The following PTPRA variants were observed in gnomAD, a reference collection of about 807,000 sequenced individuals.
PTPRA encodes the protein receptor-type tyrosine-protein phosphatase alpha.
In PTPRA, 25 loss-of-function variants were observed where a neutral mutation model predicts 104.8. The observed-to-expected ratio is 0.24, with a 90% CI of 0.17 to 0.33. PTPRA has a LOEUF of 0.33. Among genes scored for constraint, PTPRA ranks in the 10% least tolerant of loss-of-function variants. The pLI is 1.00. For missense variants in PTPRA, 765 were observed against 1,015.3 expected, an observed-to-expected ratio of 0.75 and a Z score of 3.35; for synonymous variants, 323 against 368.9, an observed-to-expected ratio of 0.88 and a Z score of 1.43.
At chr20:2,975,142 G>A (rs374723344) in intron 5 of PTPRA, 73 bp from the exon 6 acceptor site, 1 of 1,336,948 alleles carries the variant, frequency 7.5e-7, no homozygotes, top group Admixed American at 2.0e-5. Context: ...AGCTTGTTTT[G>A]TTGTACTCTA....
At chr20:2,995,209 A>G (rs1054143439) in intron 9 of PTPRA, among the ~76,000 whole-genome samples, 2 of 152,132 alleles carry the variant, frequency 1.3e-5, no homozygotes, top group East Asian at 1.9e-4. Flanking sequence ...TATATCAACA[A>G]TTGTTCCTAT....
At chr20:2,957,485 A>G (rs1407904544) in intron 3 of PTPRA, among the ~76,000 whole-genome samples, 2 of 152,262 alleles carry the variant, frequency 1.3e-5, no homozygotes, top group African/African-American at 4.8e-5. Flanking sequence ...ATGGAGAGAC[A>G]ACTCTTTCTA....
intron 1 of PTPRA, among the ~76,000 whole-genome samples, chr20:2,905,690 C>CTTTT (rs11479039): frequency 2.7e-4 from 19 of 70,620 alleles, no homozygotes; most frequent in South Asian, 5.2e-4. Context: ...TCATAAAATT[C>CTTTT]TTTTTTTTTT....
chr20:2,989,657 G>C (rs2063064811), intron 9 of PTPRA, among the ~76,000 whole-genome samples: 1 of 152,132 alleles, frequency 6.6e-6, no homozygotes, highest in South Asian at 2.1e-4. Flanking sequence ...AGTGTGGCCA[G>C]ACCACAGACC....
At chr20:3,029,247 C>T (rs139346909) in intron 20 of PTPRA, among the ~76,000 whole-genome samples, 390 of 149,232 alleles carry the variant, frequency 2.6e-3, no homozygotes, top group Non-Finnish European at 4.5e-3. Flanking sequence ...TTCAAGTGAT[C>T]CTCCCACATA....
At chr20:3,029,135 TTTTGTTTG>T (rs71195812) in intron 20 of PTPRA, among the ~76,000 whole-genome samples, 1 of 131,580 alleles carries the variant, frequency 7.6e-6, no homozygotes, top group Non-Finnish European at 1.6e-5. Flanking sequence ...TTTTTTTTGG[TTTTGTTTG>T]TTTGTTTGTT....
intron 3 of PTPRA, among the ~76,000 whole-genome samples, chr20:2,962,755 A>G (rs1303650506): frequency 6.6e-6 from 1 of 152,206 alleles, no homozygotes; most frequent in East Asian, 1.9e-4. Flanking sequence ...AATTGTCAAA[A>G]TCTTCTGTGG....
intron 1 of PTPRA, among the ~76,000 whole-genome samples, chr20:2,912,357 C>T (rs1462005700): frequency 6.6e-6 from 1 of 152,150 alleles, no homozygotes; most frequent in Non-Finnish European, 1.5e-5. Flanking sequence ...TGGTGGCTCA[C>T]GCCTATTAAT....
chr20:3,000,889 C>T (rs1166918505), intron 9 of PTPRA, among the ~76,000 whole-genome samples: 2 of 151,940 alleles, frequency 1.3e-5, no homozygotes, highest in Non-Finnish European at 2.9e-5. Flanking sequence ...TTCAGGTTTA[C>T]CAGTGAGAGG....
the PTPRA span, among the ~76,000 whole-genome samples, chr20:2,867,698 C>G: frequency 1.3e-5 from 2 of 152,236 alleles, no homozygotes; most frequent in South Asian, 4.1e-4. Context: ...GTCGCCCCCA[C>G]TTTGTCTACA....
chr20:2,952,840 A>G (rs1258001621), intron 3 of PTPRA, among the ~76,000 whole-genome samples: 1 of 152,212 alleles, frequency 6.6e-6, no homozygotes, highest in East Asian at 1.9e-4. Context: ...TGACTGGCTT[A>G]TTAGTATAAT....
intron 1 of PTPRA, among the ~76,000 whole-genome samples, chr20:2,911,099 A>G (rs577918234): frequency 1.4e-4 from 21 of 151,760 alleles, no homozygotes; most frequent in Admixed American, 1.3e-3. Context: ...AGTTGCTTTT[A>G]TTTTTATTTT....
At position 2,875,014 on chromosome 20, in the gene PTPRA, G is replaced by A. The variant is rs117468958; in HGVS notation, c.-129+1254G>A. Among the ~76,000 whole-genome samples, 517 of 152,290 alleles carry A rather than the reference G, an allele frequency of 3.4e-3. 4 individuals are homozygous for A. Among genetic ancestry groups the A allele is most frequent in the Non-Finnish European group, 5.3e-3 (359 of 68,030 alleles). On this transcript the variant is annotated intron_variant, in intron 1 of 23. Transcript: ENST00000399903. The stretch of plus-strand genomic sequence containing the variant: ...TTTTAAAGTTCTTCTCATTTGAGAA[G>A]CTTCTTGCGGGCAGGAGCTGTGTCT...
chr20:3,015,998 C>A (rs2148381472), intron 12 of PTPRA, 113 bp downstream of exon 12: 2 of 1,008,432 alleles, frequency 2.0e-6, no homozygotes, highest in Non-Finnish European at 3.0e-6. Flanking sequence ...CTTTTCTGTA[C>A]TTTTTACCAC....
At position 2,884,907 on chromosome 20, in the gene PTPRA, T is replaced by C. The variant is rs538360900; in HGVS notation, c.-129+11147T>C. ...TCACTGCAAGCTCTGCCTCCCAGGTTCATGCCATTCTCCTGCCTCAGCCTC... is the reference window on the plus strand; with the variant it reads ...TCACTGCAAGCTCTGCCTCCCAGGTCCATGCCATTCTCCTGCCTCAGCCTC... On this transcript the variant is annotated intron_variant, in intron 1 of 23. Transcript: ENST00000399903. Among the ~76,000 whole-genome samples, 9 of 151,930 alleles carry C rather than the reference T, an allele frequency of 5.9e-5. 1 individual carries two copies. Among genetic ancestry groups the C allele is most frequent in the African/African-American group, 2.2e-4 (9 of 41,442 alleles).
At chr20:2,968,507 T>TTTTTTTTTTTTTTTAAATTC (rs759599927) in intron 5 of PTPRA, among the ~76,000 whole-genome samples, 1 of 145,184 alleles carries the variant, frequency 6.9e-6, no homozygotes, top group African/African-American at 2.7e-5. Flanking sequence ...CTTTTTTTTT[T>TTTTTTTTTTTTTTTAAATTC]TTCTCAAATT....
the PTPRA span, among the ~76,000 whole-genome samples, chr20:2,868,045 A>G: frequency 1.3e-5 from 2 of 152,200 alleles, no homozygotes; most frequent in African/African-American, 4.8e-5. Flanking sequence ...CTAGGGGCTG[A>G]AATCATGTGA....
intron 1 of PTPRA, among the ~76,000 whole-genome samples, chr20:2,898,380 A>G (rs67724953): frequency 6.6e-6 from 1 of 150,644 alleles, no homozygotes; most frequent in Non-Finnish European, 1.5e-5. Flanking sequence ...GCGCCTGGCA[A>G]TTTTTCTATT....
In PTPRA at chr20:3,005,152, TGTCTTTA is replaced by T; in HGVS notation, c.829+9_829+15del. 6.4e-7 allele frequency: 1 copy of T among 1,568,222 alleles called. No homozygotes were observed. The highest frequency in any genetic ancestry group is 8.8e-7 in the Non-Finnish European group (1 of 1,138,606). ...ATATGTAAACATCTTGCCTTGTGAG[TGTCTTTA>T]GTGTTTCTTGGGATGTAACCTGAAA... On this transcript the variant is annotated splice_region_variant and intron_variant, in intron 10 of 23. Transcript: ENST00000399903.
Sources: gnomAD v4.1 joint callset for allele counts (sites outside exome capture counted in the v4.1 genomes callset) on GRCh38, gnomAD v4.1.1 for gene constraint, MANE v1.5 for transcripts, NCBI Gene and HGNC (gene_info 2026-07-23, HGNC 2026-07-21) for gene names.